SLC6A11: variants seen among roughly 807,000 people sequenced by gnomAD.
The protein encoded by SLC6A11 is sodium- and chloride-dependent GABA transporter 3.
Under a neutral mutation model 74.8 loss-of-function variants are expected in SLC6A11, and 25 were observed. The ratio of observed to expected loss-of-function variants is 0.33; its 90% CI spans 0.24 to 0.47. SLC6A11 has a LOEUF of 0.47. Ranked by LOEUF, SLC6A11 falls within the 20% of genes least tolerant of loss-of-function variation. The pLI is 1.00. For missense variants in SLC6A11, 574 were observed against 837.0 expected (o/e 0.69, Z 3.88); for synonymous variants, 330 against 330.2 (o/e 1.00, Z 0.01).
intron 6 of SLC6A11, among the ~76,000 whole-genome samples, chr3:10,902,136 A>G (rs1695248546): frequency 6.6e-6 from 1 of 152,110 alleles, no homozygotes. Context: ...AAAATGTAGA[A>G]GAAAGAAAAG....
intron 5 of SLC6A11, among the ~76,000 whole-genome samples, chr3:10,851,747 A>G (rs921480338): frequency 6.6e-6 from 1 of 152,282 alleles, no homozygotes; most frequent in Non-Finnish European, 1.5e-5. Context: ...GGATGCTGTC[A>G]GAGCCCATCA....
At chr3:10,860,534 T>A (rs1694690935) in intron 5 of SLC6A11, among the ~76,000 whole-genome samples, 1 of 152,074 alleles carries the variant, frequency 6.6e-6, no homozygotes, top group South Asian at 2.1e-4. Flanking sequence ...GCTGAAGGGT[T>A]CCCTGAGAAG....
intron 8 of SLC6A11, among the ~76,000 whole-genome samples, chr3:10,925,798 T>C (rs1431925300): frequency 6.6e-6 from 1 of 152,178 alleles, no homozygotes; most frequent in Non-Finnish European, 1.5e-5. Flanking sequence ...CTTGTTTACC[T>C]CTTTCTGCCT....
At chr3:10,859,416 A>G (rs3774116) in intron 5 of SLC6A11, among the ~76,000 whole-genome samples, 13,322 of 152,118 alleles carry the variant, frequency 0.088, 1,138 homozygotes, top group African/African-American at 0.22. Flanking sequence ...CCATTCTTTG[A>G]GGACCCATTA....
chr3:10,931,817 T>C (rs1042506522), intron 10 of SLC6A11, among the ~76,000 whole-genome samples: 2 of 152,184 alleles, frequency 1.3e-5, no homozygotes, highest in African/African-American at 2.4e-5. Flanking sequence ...CTTGTGGGCA[T>C]TGAGATGTTT....
At chr3:10,931,744 G>A (rs1244534334) in intron 10 of SLC6A11, among the ~76,000 whole-genome samples, 1 of 152,184 alleles carries the variant, frequency 6.6e-6, no homozygotes, top group Non-Finnish European at 1.5e-5. Flanking sequence ...AGTTAGCCAT[G>A]GTCCCCACCA....
intron 5 of SLC6A11, among the ~76,000 whole-genome samples, chr3:10,865,108 A>G (rs960586900): frequency 8.5e-5 from 13 of 152,208 alleles, no homozygotes; most frequent in Admixed American, 6.5e-5. Flanking sequence ...GGCATTGCTT[A>G]TTGCACAGTG....
chr3:10,839,871 G>A (rs1309676344), intron 4 of SLC6A11, among the ~76,000 whole-genome samples: 2 of 152,106 alleles, frequency 1.3e-5, no homozygotes, highest in African/African-American at 2.4e-5. Flanking sequence ...GATCCATGCC[G>A]TGAGCCTGGT....
intron 5 of SLC6A11, among the ~76,000 whole-genome samples, chr3:10,865,733 T>C (rs143107166): frequency 1.7e-3 from 259 of 152,342 alleles, no homozygotes; most frequent in African/African-American, 6.0e-3. Context: ...TTCTAACTGC[T>C]CTTTACACAG....
intron 5 of SLC6A11, among the ~76,000 whole-genome samples, chr3:10,850,604 G>A (rs966606718): frequency 3.9e-5 from 6 of 152,164 alleles, no homozygotes; most frequent in Admixed American, 6.5e-5. Flanking sequence ...TGGGGCCAGC[G>A]AGTGGCACAT....
chr3:10,934,382 T>G (rs1221127929), intron 12 of SLC6A11, among the ~76,000 whole-genome samples: 1 of 152,220 alleles, frequency 6.6e-6, no homozygotes, highest in Non-Finnish European at 1.5e-5. Context: ...GCTGTGTGAC[T>G]AGGAGCACAG....
chr3:10,817,039 G>A (rs372518220), intron 1 of SLC6A11, among the ~76,000 whole-genome samples: 5 of 152,346 alleles, frequency 3.3e-5, no homozygotes, highest in African/African-American at 1.2e-4. Flanking sequence ...GAGGGTCAGA[G>A]AAGTCTCACT....
chr3:10,893,459 C>A (rs775564935), intron 6 of SLC6A11, among the ~76,000 whole-genome samples: 2 of 152,048 alleles, frequency 1.3e-5, no homozygotes, highest in African/African-American at 4.8e-5. Context: ...TTTGAGGGGA[C>A]GTCAAGGAGG....
chr3:10,877,419 T>C (rs1445445482), intron 6 of SLC6A11, among the ~76,000 whole-genome samples: 1 of 152,160 alleles, frequency 6.6e-6, no homozygotes, highest in African/African-American at 2.4e-5. Flanking sequence ...CTGGAGCGGG[T>C]ATGCAGACTG....
intron 6 of SLC6A11, among the ~76,000 whole-genome samples, chr3:10,899,005 A>C (rs1695204652): frequency 6.6e-6 from 1 of 152,204 alleles, no homozygotes; most frequent in African/African-American, 2.4e-5. Flanking sequence ...AGAGCCAAGC[A>C]AAACAGGTTT....
intron 6 of SLC6A11, among the ~76,000 whole-genome samples, chr3:10,899,731 C>T (rs1695214912): frequency 2.0e-5 from 3 of 152,224 alleles, no homozygotes; most frequent in Admixed American, 2.0e-4. Context: ...CACTTATCTC[C>T]ATCAGTATGG....
chr3:10,912,942 C>T (rs998042603), intron 7 of SLC6A11, among the ~76,000 whole-genome samples: 34 of 152,002 alleles, frequency 2.2e-4, no homozygotes, highest in Admixed American at 2.0e-3. Flanking sequence ...AGATGGACAG[C>T]GCATCTCTTC....
intron 5 of SLC6A11, among the ~76,000 whole-genome samples, chr3:10,868,837 A>G (rs1694794854): frequency 6.6e-6 from 1 of 152,214 alleles, no homozygotes; most frequent in South Asian, 2.1e-4. Context: ...GTTAGGAAGC[A>G]CCTTGCACCT....
rs764944936 is a variant in SLC6A11 at position 10,926,364 on chromosome 3, C to T, written c.1233+248C>T. On this transcript the variant is annotated intron_variant, in intron 9 of 13. Transcript: ENST00000254488. This position sits in a 1 kb window ranked among gnomAD's most constrained non-coding sequence, Gnocchi z 5.7. ...TCCGGCCCCTCTAAGCCTTCCCAAA[C>T]ACTGTTTTCCTTACCGGAATTCCCA... Among the ~76,000 whole-genome samples, 3 of 152,186 alleles carry T rather than the reference C, an allele frequency of 2.0e-5. No homozygotes were observed. The highest frequency in any genetic ancestry group is 4.4e-5 in the Non-Finnish European group (3 of 68,036).
Sources: gnomAD v4.1 joint callset for allele counts (sites outside exome capture counted in the v4.1 genomes callset) on GRCh38, gnomAD v4.1.1 for gene constraint, Gnocchi (gnomAD v3.1) non-coding constraint, MANE v1.5 for transcripts, NCBI Gene and HGNC (gene_info 2026-07-23, HGNC 2026-07-21) for gene names.